Variants in LAMA2 observed in about 807,000 individuals in gnomAD.
The protein encoded by LAMA2 is laminin subunit alpha 2.
A neutral mutation model predicts 364.8 loss-of-function variants in LAMA2; 269 were observed. The ratio of observed to expected loss-of-function variants is 0.74; its 90% confidence interval spans 0.67 to 0.82. LAMA2 has a LOEUF of 0.82. LAMA2 is among the 40% of genes least tolerant of loss of function. The pLI is 0.00. For missense variants in LAMA2, 3,807 were observed against 3,873.2 expected (o/e 0.98, Z 0.45); for synonymous variants, 1,379 against 1,370.6 (o/e 1.01, Z -0.14).
At chr6:129,320,252 A>G (rs1774878235) in intron 27 of LAMA2, among the ~76,000 whole-genome samples, 1 of 152,168 alleles carries the variant, frequency 6.6e-6, no homozygotes, top group Non-Finnish European at 1.5e-5. Context: ...CTTCATTTTG[A>G]GCAGACTAAA....
chr6:129,445,222 T>C (rs1782307241), intron 44 of LAMA2, among the ~76,000 whole-genome samples: 1 of 152,094 alleles, frequency 6.6e-6, no homozygotes, highest in Non-Finnish European at 1.5e-5. Flanking sequence ...AAAAAGACGG[T>C]GAGAAAAAGA....
intron 7 of LAMA2, 35 bp from the exon 8 acceptor site, chr6:129,154,470 A>G (rs766256353): frequency 4.5e-6 from 7 of 1,545,554 alleles, no homozygotes; most frequent in Non-Finnish European, 6.3e-6. Context: ...CTGAAATCAA[A>G]TTGATGTTTA....
At chr6:129,457,647 GAA>G (rs781343323) in intron 48 of LAMA2, among the ~76,000 whole-genome samples, 15 of 152,128 alleles carry the variant, frequency 9.9e-5, no homozygotes, top group African/African-American at 2.9e-4. Context: ...TAATTTACAT[GAA>G]TTAACTTGTT....
chr6:129,477,285 T>G (rs2571578), intron 53 of LAMA2, among the ~76,000 whole-genome samples: 42,719 of 152,008 alleles, frequency 0.28, 6,848 homozygotes, highest in African/African-American at 0.44. Context: ...GGCTAGTAAC[T>G]ACTGATTTGG....
In LAMA2 at chr6:128,917,809, T is replaced by C. The variant is rs116010453; in HGVS notation, c.112+34452T>C. On this transcript the variant is annotated intron_variant, in intron 1 of 64. Transcript: ENST00000421865. ...AGTGCAGTGGCAGGATCATGGCTTA[T>C]TGTGCCCTTGACATCTCAGTTTCAA... 6.5e-3 allele frequency among the ~76,000 whole-genome samples: 974 copies of C among 149,046 alleles called. 10 individuals are homozygous for C. Among genetic ancestry groups the C allele is most frequent in the African/African-American group, 0.023 (938 of 40,642 alleles).
chr6:129,473,509 C>G (rs1219625052), intron 52 of LAMA2, among the ~76,000 whole-genome samples, 157 bp downstream of exon 52: 2 of 151,978 alleles, frequency 1.3e-5, no homozygotes, highest in Non-Finnish European at 2.9e-5. Flanking sequence ...TAGAACAACA[C>G]CAGGATTTAG....
chr6:128,905,155 T>G (rs1313757886), intron 1 of LAMA2, among the ~76,000 whole-genome samples: 1 of 152,212 alleles, frequency 6.6e-6, no homozygotes. Context: ...TTATAACTGC[T>G]AAACAACATA....
rs112251024 is a variant in LAMA2, at chr6:129,403,974, G to T, written c.5865+15G>T. ...CTACAAAACTGGTAAGAAACAAATGGCACATGTGCTGGGAATGGAAGTCAA... is the reference window on the plus strand; with the variant it reads ...CTACAAAACTGGTAAGAAACAAATGTCACATGTGCTGGGAATGGAAGTCAA... On this transcript the variant is annotated intron_variant, in intron 40 of 64. Coordinates refer to ENST00000421865, the MANE Select transcript of LAMA2 (RefSeq NM_000426.4). The T allele has an allele frequency of 3.7e-6, 6 of 1,613,594 alleles. No individual in the cohort carries two copies. The highest frequency in any genetic ancestry group is 5.1e-6 in the Non-Finnish European group (6 of 1,179,716).
chr6:129,194,894 G>T (rs1781747477), intron 12 of LAMA2, among the ~76,000 whole-genome samples: 1 of 152,184 alleles, frequency 6.6e-6, no homozygotes, highest in Admixed American at 6.5e-5. Context: ...GTGGAAAATT[G>T]TAGGGCCTTG....
At chr6:128,962,902 C>T (rs1483672070) in intron 1 of LAMA2, among the ~76,000 whole-genome samples, 2 of 152,138 alleles carry the variant, frequency 1.3e-5, no homozygotes, top group East Asian at 3.8e-4. Context: ...GTTTGTCATC[C>T]ACATCTCTTA....
chr6:128,899,640 T>C (rs1037798542), intron 1 of LAMA2, among the ~76,000 whole-genome samples: 7 of 152,200 alleles, frequency 4.6e-5, no homozygotes, highest in African/African-American at 1.7e-4. Context: ...TGAATGAATG[T>C]TTGTATAAGA....
At chr6:129,299,252 C>A (rs374212583) in intron 21 of LAMA2, among the ~76,000 whole-genome samples, 2 of 151,928 alleles carry the variant, frequency 1.3e-5, no homozygotes, top group East Asian at 1.9e-4. Context: ...AGTTCTGGGA[C>A]CTTGACTGAG....
chr6:129,082,217 T>A (rs1368298846), intron 3 of LAMA2, among the ~76,000 whole-genome samples: 3 of 152,118 alleles, frequency 2.0e-5, no homozygotes, highest in Non-Finnish European at 4.4e-5. Flanking sequence ...ATATAATAAG[T>A]AACCAATGAA....
intron 20 of LAMA2, among the ~76,000 whole-genome samples, chr6:129,295,716 G>T (rs867297709): frequency 4.0e-5 from 6 of 151,700 alleles, no homozygotes; most frequent in South Asian, 2.1e-4. Context: ...TTAAAGGGGT[G>T]TACACACACC....
intron 55 of LAMA2, among the ~76,000 whole-genome samples, chr6:129,485,416 A>T (rs924026639): frequency 6.6e-6 from 1 of 152,232 alleles, no homozygotes; most frequent in Non-Finnish European, 1.5e-5. Flanking sequence ...ACTCATATCT[A>T]CTTTATAAAA....
chr6:129,112,610 C>T (rs563529251), intron 4 of LAMA2, among the ~76,000 whole-genome samples: 2 of 151,824 alleles, frequency 1.3e-5, no homozygotes, highest in South Asian at 2.1e-4. Flanking sequence ...ATGGCAAACA[C>T]TGTCTTAGGT....
At chr6:129,037,904 C>T (rs942433980) in intron 1 of LAMA2, among the ~76,000 whole-genome samples, 3 of 152,044 alleles carry the variant, frequency 2.0e-5, no homozygotes, top group South Asian at 2.1e-4. Flanking sequence ...CTCCTGACCT[C>T]GTGATCTGCC....
intron 4 of LAMA2, among the ~76,000 whole-genome samples, chr6:129,118,787 G>C (rs1270522542): frequency 1.3e-5 from 2 of 152,144 alleles, no homozygotes; most frequent in South Asian, 4.1e-4. Flanking sequence ...TGTGAAAAGT[G>C]TGTTATTGTT....
chr6:129,037,616 G>C (rs1013226685), intron 1 of LAMA2, among the ~76,000 whole-genome samples: 2 of 151,722 alleles, frequency 1.3e-5, no homozygotes, highest in African/African-American at 2.4e-5. Flanking sequence ...ATAATAATAT[G>C]CCAAGTACGG....
Sources: allele counts gnomAD v4.1 joint callset (sites outside exome capture counted in the v4.1 genomes callset), GRCh38; gene constraint gnomAD v4.1.1; transcripts MANE v1.5; gene names NCBI Gene and HGNC (gene_info 2026-07-23, HGNC 2026-07-21).